BBX: variants seen among roughly 807,000 people sequenced by gnomAD.
BBX encodes the protein HMG box transcription factor BBX.
Under a neutral mutation model 100.2 loss-of-function variants are expected in BBX, and 30 were observed. The observed-to-expected ratio is 0.30, with a 90% confidence interval of 0.22 to 0.41. The LOEUF is 0.41. BBX is among the 10% of genes least tolerant of loss of function. BBX has a pLI of 1.00. For synonymous variants in BBX, 376 were observed against 388.1 expected (o/e 0.97, Z 0.37); for missense variants, 1,023 against 1,129.8 (o/e 0.91, Z 1.35).
At position 107,619,850 on chromosome 3, in the gene BBX, T is replaced by C. The variant is rs142688020; in HGVS notation, c.-83-25986T>C. Among the ~76,000 whole-genome samples the C allele has an allele frequency of 1.0e-3, 157 of 152,266 alleles. 1 individual carries two copies. Among genetic ancestry groups the C allele is most frequent in the African/African-American group, 3.6e-3 (149 of 41,570 alleles). On this transcript the variant is annotated intron_variant, in intron 2 of 17. Transcript: ENST00000325805. Reference sequence around the variant, plus strand: ...TAAGTAAGGTGTCTTTTTTCTCTTATTGTTTTCAAGATTTGAGAGGGAGGG... The same window carrying C: ...TAAGTAAGGTGTCTTTTTTCTCTTACTGTTTTCAAGATTTGAGAGGGAGGG...
chr3:107,574,748 A>G (rs2051644348), intron 2 of BBX, among the ~76,000 whole-genome samples: 1 of 152,246 alleles, frequency 6.6e-6, no homozygotes, highest in African/African-American at 2.4e-5. Flanking sequence ...TGAATGCTGA[A>G]GAATATCTCT....
intron 2 of BBX, among the ~76,000 whole-genome samples, chr3:107,544,950 G>T (rs2049120386): frequency 6.6e-6 from 1 of 151,834 alleles, no homozygotes; most frequent in Non-Finnish European, 1.5e-5. Flanking sequence ...CCGGGAGGTG[G>T]AGCTTGCAAT....
intron 2 of BBX, among the ~76,000 whole-genome samples, chr3:107,611,131 T>G (rs936943934): frequency 6.6e-5 from 10 of 152,170 alleles, no homozygotes; most frequent in African/African-American, 7.2e-5. Flanking sequence ...TTAAAAACTG[T>G]ATGCTTTAAT....
At chr3:107,740,160 G>A (rs563474365) in intron 7 of BBX, among the ~76,000 whole-genome samples, 41 of 152,036 alleles carry the variant, frequency 2.7e-4, no homozygotes, top group African/African-American at 9.4e-4. Flanking sequence ...GTAGTGCACC[G>A]CTTGTGTCAG....
chr3:107,566,166 AC>A (rs2050890862), intron 2 of BBX, among the ~76,000 whole-genome samples: 1 of 117,554 alleles, frequency 8.5e-6, no homozygotes, highest in Non-Finnish European at 1.7e-5. Flanking sequence ...CAAGAGCGAA[AC>A]TCTGTCTCAA....
intron 2 of BBX, among the ~76,000 whole-genome samples, chr3:107,542,138 T>C (rs911542900): frequency 1.3e-5 from 2 of 152,180 alleles, no homozygotes; most frequent in Non-Finnish European, 2.9e-5. Context: ...ATATTTTATA[T>C]AATAGAAAGG....
chr3:107,535,657 A>G (rs1350469012), intron 2 of BBX, among the ~76,000 whole-genome samples: 1 of 150,672 alleles, frequency 6.6e-6, no homozygotes, highest in Non-Finnish European at 1.5e-5. Flanking sequence ...CAGTGGCACA[A>G]TCTCTGCTCA....
At chr3:107,631,784 C>T (rs559647959) in intron 2 of BBX, among the ~76,000 whole-genome samples, 1 of 152,222 alleles carries the variant, frequency 6.6e-6, no homozygotes, top group African/African-American at 2.4e-5. Flanking sequence ...TACTTTTCTG[C>T]CTTGTGTCGT....
At chr3:107,641,087 C>CCT (rs2057171225) in intron 2 of BBX, among the ~76,000 whole-genome samples, 1 of 139,444 alleles carries the variant, frequency 7.2e-6, no homozygotes, top group African/African-American at 2.6e-5. Context: ...TCTTTTCTTT[C>CCT]TTTTTTTTTT....
intron 2 of BBX, among the ~76,000 whole-genome samples, chr3:107,617,380 A>C (rs570902711): frequency 6.6e-6 from 1 of 151,920 alleles, no homozygotes; most frequent in Admixed American, 6.6e-5. Context: ...GTTCCTTTGC[A>C]TTTCCATGTA....
intron 2 of BBX, among the ~76,000 whole-genome samples, chr3:107,625,898 CAAAT>C (rs1378261021): frequency 1.7e-4 from 26 of 151,968 alleles, no homozygotes; most frequent in Non-Finnish European, 2.8e-4. Context: ...TTTAAATTGA[CAAAT>C]AATAATCGTA....
chr3:107,555,852 G>A (rs1217774267), intron 2 of BBX, among the ~76,000 whole-genome samples: 4 of 152,006 alleles, frequency 2.6e-5, no homozygotes, highest in Non-Finnish European at 5.9e-5. Flanking sequence ...CCTCCCCTTG[G>A]GATTCATGGC....
chr3:107,711,147 G>T, intron 4 of BBX: 1 of 336,132 alleles, frequency 3.0e-6, no homozygotes, highest in Non-Finnish European at 5.9e-6. Context: ...CCATGCAGGT[G>T]ACTTAAGAAA....
chr3:107,784,452 G>A (rs1056259445), intron 13 of BBX, among the ~76,000 whole-genome samples: 23 of 152,054 alleles, frequency 1.5e-4, no homozygotes, highest in African/African-American at 5.5e-4. Context: ...ATAATACAGA[G>A]TGTGTTCTCT....
chr3:107,578,902 G>A (rs2107542192), intron 2 of BBX, among the ~76,000 whole-genome samples: 1 of 152,274 alleles, frequency 6.6e-6, no homozygotes, highest in South Asian at 2.1e-4. Context: ...GCAGTTGCAG[G>A]CGGCAGCTAC....
chr3:107,560,577 AGTT>A (rs746811696), intron 2 of BBX, among the ~76,000 whole-genome samples: 1 of 152,226 alleles, frequency 6.6e-6, no homozygotes, highest in East Asian at 1.9e-4. Context: ...GAATGGTATT[AGTT>A]GTTGTAGCAT....
chr3:107,784,986 T>A (rs991839987), intron 13 of BBX, among the ~76,000 whole-genome samples: 1 of 151,738 alleles, frequency 6.6e-6, no homozygotes, highest in Non-Finnish European at 1.5e-5. Context: ...AAGACATTAC[T>A]ACTGGCTACA....
intron 2 of BBX, among the ~76,000 whole-genome samples, chr3:107,576,228 A>G (rs2051760858): frequency 6.6e-6 from 1 of 152,238 alleles, no homozygotes. Flanking sequence ...TACCAGTGAT[A>G]TGCTGAAGTT....
chr3:107,727,312 G>C (rs1458170897), intron 5 of BBX, among the ~76,000 whole-genome samples: 1 of 152,046 alleles, frequency 6.6e-6, no homozygotes, highest in Non-Finnish European at 1.5e-5. Context: ...TCCACTTCCA[G>C]ACAGCAGGCA....
Sources: allele counts gnomAD v4.1 joint callset (sites outside exome capture counted in the v4.1 genomes callset), GRCh38; gene constraint gnomAD v4.1.1; transcripts MANE v1.5; gene names NCBI Gene and HGNC (gene_info 2026-07-23, HGNC 2026-07-21).